Variants in UBE2E3 observed in about 807,000 individuals in gnomAD.
UBE2E3 encodes ubiquitin conjugating enzyme E2 E3, also known as ubiquitin-conjugating enzyme E2 E3.
A neutral mutation model predicts 23.6 loss-of-function variants in UBE2E3; 5 were observed. The ratio of observed to expected loss-of-function variants is 0.21; its 90% CI spans 0.11 to 0.44. The LOEUF is 0.44. UBE2E3 is among the 20% of genes least tolerant of loss of function. The probability of loss-of-function intolerance (pLI) is 0.99; values close to 1 mark genes in which losing one functional copy is unlikely to be tolerated. For missense variants in UBE2E3, 81 were observed against 249.8 expected, an observed-to-expected ratio of 0.32 and a Z score of 4.55; for synonymous variants, 78 against 87.5, an observed-to-expected ratio of 0.89 and a Z score of 0.60.
chr2:180,996,620 A>T (rs1432161857), intron 3 of UBE2E3, among the ~76,000 whole-genome samples: 1 of 152,184 alleles, frequency 6.6e-6, no homozygotes, highest in Non-Finnish European at 1.5e-5. Flanking sequence ...CTGGCCACCA[A>T]AACCTGCCTC....
chr2:181,031,825 C>T (rs1686088680), intron 3 of UBE2E3, among the ~76,000 whole-genome samples: 1 of 152,166 alleles, frequency 6.6e-6, no homozygotes, highest in Non-Finnish European at 1.5e-5. Flanking sequence ...AATCTTAACT[C>T]ATTCTAGTAT....
At chr2:180,988,075 G>A (rs746182887) in intron 3 of UBE2E3, among the ~76,000 whole-genome samples, 2 of 152,168 alleles carry the variant, frequency 1.3e-5, no homozygotes, top group Non-Finnish European at 2.9e-5. Flanking sequence ...CAGTTGTAAA[G>A]TGGGGATTAA....
chr2:181,060,581 T>A, intron 4 of UBE2E3, 84 bp from the exon 5 acceptor site: 1 of 1,256,724 alleles, frequency 8.0e-7, no homozygotes. Context: ...TCATCTATGA[T>A]ATATTACCCT....
In UBE2E3 at chr2:181,057,822, A is replaced by G. The variant is rs1345201542; in HGVS notation, c.375A>G (p.Pro125=). The change falls in exon 4 of 6, where the codon CCA becomes CCG. Residue 125 remains proline, a synonymous_variant. Transcript: ENST00000410062. ...CATCAGATTATCCATTTAAGCCACC[A>G]AAGGTAAGAAGCTTGAAGTGCATTC... ...TFSSDYPFKP[P]KVTFRTRIYH... The G allele has an allele frequency of 8.7e-6, 14 of 1,610,876 alleles. No homozygotes were observed. In the South Asian group the frequency reaches 1.3e-4, roughly 15 times the overall value.
At chr2:181,050,582 C>G (rs758627939) in intron 3 of UBE2E3, among the ~76,000 whole-genome samples, 5 of 151,832 alleles carry the variant, frequency 3.3e-5, no homozygotes, top group Non-Finnish European at 7.4e-5. Context: ...ATTTCTGAAT[C>G]TGTTTACATT....
chr2:181,027,178 A>C (rs866412854), intron 3 of UBE2E3, among the ~76,000 whole-genome samples: 1 of 151,924 alleles, frequency 6.6e-6, no homozygotes, highest in African/African-American at 2.4e-5. Flanking sequence ...TCTCTATTTT[A>C]TGACTTATGT....
intron 3 of UBE2E3, among the ~76,000 whole-genome samples, chr2:181,045,354 A>G (rs572921140): frequency 6.6e-6 from 1 of 152,334 alleles, no homozygotes; most frequent in African/African-American, 2.4e-5. Flanking sequence ...ATTCACCACA[A>G]TCTAAAGATG....
In UBE2E3 at chr2:181,049,696, C is replaced by T. The variant is rs145062653; in HGVS notation, c.246-7997C>T. On this transcript the variant is annotated intron_variant, in intron 3 of 5. Transcript: ENST00000410062. ...ATTGCATTATCTGTGCAGATAGAAG[C>T]CTTTAGGCAGATGCCATAGTTTTTT... Among the ~76,000 whole-genome samples, 417 of 151,918 alleles carry T rather than the reference C, an allele frequency of 2.7e-3. 3 individuals carry two copies. Among genetic ancestry groups the T allele is most frequent in the African/African-American group, 9.7e-3 (404 of 41,474 alleles).
rs148689885 is a variant in UBE2E3, at chr2:180,994,617, A to G, written c.245+10524A>G. ...CACAGTTATTTGAGTGAGGATACAA[A>G]TAAAGTCCAGTTGACCTTTGAACAG... On this transcript the variant is annotated intron_variant, in intron 3 of 5. Coordinates refer to ENST00000410062, the MANE Select transcript of UBE2E3 (RefSeq NM_006357.4). Among the ~76,000 whole-genome samples, 241 of 152,354 alleles carry G rather than the reference A, an allele frequency of 1.6e-3. 1 individual carries two copies. Among genetic ancestry groups the G allele is most frequent in the African/African-American group, 5.6e-3 (231 of 41,590 alleles).
intron 3 of UBE2E3, among the ~76,000 whole-genome samples, chr2:181,034,623 A>T (rs1487222942): frequency 6.6e-6 from 1 of 152,204 alleles, no homozygotes; most frequent in Non-Finnish European, 1.5e-5. Context: ...ACATGTATAC[A>T]TATGTAACGA....
At chr2:181,053,660 A>G (rs1379617063) in intron 3 of UBE2E3, among the ~76,000 whole-genome samples, 1 of 151,872 alleles carries the variant, frequency 6.6e-6, no homozygotes, top group Non-Finnish European at 1.5e-5. Context: ...CTACAGTGGT[A>G]TAGTTGTTAC....
chr2:181,002,633 TTAC>T (rs993573004), intron 3 of UBE2E3, among the ~76,000 whole-genome samples: 40 of 152,278 alleles, frequency 2.6e-4, no homozygotes, highest in Middle Eastern at 6.8e-3. Flanking sequence ...ATATGAAAAA[TTAC>T]TAATGTAATA....
chr2:181,011,953 A>G (rs1415489884), intron 3 of UBE2E3, among the ~76,000 whole-genome samples: 1 of 152,162 alleles, frequency 6.6e-6, no homozygotes, highest in Non-Finnish European at 1.5e-5. Context: ...AATGGACTCC[A>G]TAGAGTGTAT....
chr2:181,056,297 T>C (rs1042458952), intron 3 of UBE2E3, among the ~76,000 whole-genome samples: 2 of 151,650 alleles, frequency 1.3e-5, no homozygotes, highest in African/African-American at 4.8e-5. Flanking sequence ...CTGTTAAGTG[T>C]AGAGAAAGTT....
chr2:180,985,502 TTTTACTATGTTAATATG>T (rs1684433655), intron 3 of UBE2E3, among the ~76,000 whole-genome samples: 3 of 152,180 alleles, frequency 2.0e-5, no homozygotes, highest in Admixed American at 2.0e-4. Context: ...AATTTCACTT[TTTTACTATGTTAATATG>T]TTATTAGAAT....
chr2:181,011,497 T>G (rs1685325991), intron 3 of UBE2E3, among the ~76,000 whole-genome samples: 1 of 152,018 alleles, frequency 6.6e-6, no homozygotes, highest in Non-Finnish European at 1.5e-5. Context: ...TCAGCCTGAG[T>G]TTTGGAGGGG....
intron 4 of UBE2E3, 136 bp downstream of exon 4, chr2:181,057,961 A>C: frequency 1.1e-6 from 1 of 899,002 alleles, no homozygotes; most frequent in Non-Finnish European, 1.6e-6. Flanking sequence ...ATTTTCGCAT[A>C]ATCAAGAATT....
chr2:181,007,533 A>G (rs1405587398), intron 3 of UBE2E3, among the ~76,000 whole-genome samples: 3 of 151,942 alleles, frequency 2.0e-5, no homozygotes, highest in South Asian at 4.2e-4. Context: ...ATACTTGGAA[A>G]TACCTGGGCA....
intron 3 of UBE2E3, among the ~76,000 whole-genome samples, chr2:180,990,248 A>G (rs1684615147): frequency 6.6e-6 from 1 of 152,236 alleles, no homozygotes; most frequent in Non-Finnish European, 1.5e-5. Context: ...GAAGGGGGCT[A>G]CCACTGACAT....
Sources: gnomAD v4.1 joint callset for allele counts (sites outside exome capture counted in the v4.1 genomes callset) on GRCh38, gnomAD v4.1.1 for gene constraint, MANE v1.5 for transcripts, NCBI Gene and HGNC (gene_info 2026-07-23, HGNC 2026-07-21) for gene names.